Variants in EFCAB13 observed in about 807,000 individuals in gnomAD.
EFCAB13 encodes the protein EF-hand calcium-binding domain-containing protein 13.
In EFCAB13, 91 loss-of-function variants were observed where a neutral mutation model predicts 110.2. The observed-to-expected ratio is 0.83, with a 90% confidence interval of 0.70 to 0.98. The LOEUF (loss-of-function observed/expected upper bound fraction) is 0.98, where lower values mean the gene tolerates loss of function less well. EFCAB13 is among the 50% of genes least tolerant of loss of function. EFCAB13 has a pLI of 0.00. For synonymous variants in EFCAB13, 323 were observed against 369.9 expected, an observed-to-expected ratio of 0.87 and a Z score of 1.45; for missense variants, 968 against 1,119.4, an observed-to-expected ratio of 0.86 and a Z score of 1.93.
intron 23 of EFCAB13, among the ~76,000 whole-genome samples, chr17:47,424,184 C>G (rs901718075): frequency 2.6e-5 from 4 of 152,180 alleles, no homozygotes; most frequent in African/African-American, 9.6e-5. Flanking sequence ...GAGGAGCCGG[C>G]GCCAGCGTGG....
intron 12 of EFCAB13, among the ~76,000 whole-genome samples, chr17:47,376,850 G>A (rs1416079098): frequency 6.6e-6 from 1 of 152,128 alleles, no homozygotes; most frequent in East Asian, 1.9e-4. Context: ...TTGACACTTT[G>A]AAGACTATTG....
chr17:47,346,145 A>G (rs961114635), intron 8 of EFCAB13, among the ~76,000 whole-genome samples: 1 of 152,134 alleles, frequency 6.6e-6, no homozygotes, highest in African/African-American at 2.4e-5. Context: ...CAGTATTTCT[A>G]TAGAACTTAT....
At chr17:47,374,232 A>T (rs2065600848) in intron 11 of EFCAB13, among the ~76,000 whole-genome samples, 1 of 152,134 alleles carries the variant, frequency 6.6e-6, no homozygotes, top group Non-Finnish European at 1.5e-5. Context: ...TTTTAGTTTT[A>T]CTGTAACTTT....
chr17:47,325,923 A>AAAATATATAT (rs548207910), intron 2 of EFCAB13, among the ~76,000 whole-genome samples: 3 of 102,552 alleles, frequency 2.9e-5, no homozygotes, highest in East Asian at 3.5e-4. Flanking sequence ...ATATAAACAA[A>AAAATATATAT]ATATATATAT....
chr17:47,336,227 A>G (rs1430742829), intron 5 of EFCAB13, among the ~76,000 whole-genome samples: 1 of 151,866 alleles, frequency 6.6e-6, no homozygotes, highest in Non-Finnish European at 1.5e-5. Context: ...CCTGGGTTCA[A>G]GTGATTCTTC....
At chr17:47,399,566 A>G (rs902331015) in intron 17 of EFCAB13, among the ~76,000 whole-genome samples, 6 of 152,048 alleles carry the variant, frequency 3.9e-5, no homozygotes, top group African/African-American at 1.4e-4. Flanking sequence ...AAACAGCTCC[A>G]TAAGACCTTA....
intron 15 of EFCAB13, among the ~76,000 whole-genome samples, chr17:47,393,340 A>G (rs2065718597): frequency 6.6e-6 from 1 of 152,332 alleles, no homozygotes; most frequent in East Asian, 1.9e-4. Context: ...TAACATTTGC[A>G]TATCCCATGG....
Position 47,344,174 on chromosome 17 carries a change from T to G in EFCAB13, c.316T>G (p.Phe106Val). The stretch of plus-strand genomic sequence containing the variant: ...CATTTGGCTCTAGATTATCCCTCCT[T>G]TTCTGAAGCTGTCAAAGGAGAAGGT... ...HSKRTEIIPP[F>V]LKLSKEKVTR... The change falls in exon 7 of 25, where the codon TTT becomes GTT. Residue 106 changes from phenylalanine to valine, a missense_variant. Phe to Val is a conservative substitution (Grantham distance 50). Coordinates refer to ENST00000331493, the MANE Select transcript of EFCAB13 (RefSeq NM_152347.5). The G allele has an allele frequency of 6.2e-7, 1 of 1,612,844 alleles. No individual in the cohort carries two copies. The highest frequency in any genetic ancestry group is 1.7e-5 in the Admixed American group (1 of 59,950).
intron 11 of EFCAB13, among the ~76,000 whole-genome samples, chr17:47,371,174 G>A (rs1477596911): frequency 6.8e-6 from 1 of 147,318 alleles, no homozygotes; most frequent in East Asian, 2.1e-4. Flanking sequence ...TCCCATTCAA[G>A]ATGTTGTCTC....
chr17:47,409,399 A>G (rs1291842031), intron 20 of EFCAB13: 2 of 403,444 alleles, frequency 5.0e-6, no homozygotes, highest in East Asian at 3.7e-5. Context: ...CATCTGTGAC[A>G]TTAGAAACTG....
chr17:47,379,253 G>A lies in EFCAB13; in HGVS notation c.1582G>A (p.Ala528Thr). Reference sequence around the variant, plus strand: ...GGAGCGAAGTTTTCCTGAATGCAATGGTAGGTAGGAAATTTGTTTTAAAAT... The same window carrying A: ...GGAGCGAAGTTTTCCTGAATGCAATAGTAGGTAGGAAATTTGTTTTAAAAT... ...AKERSFPECN[A>T]LPGVIKAIDK... The change falls in exon 14 of 25, where the codon GCG becomes ACG. Residue 528 changes from alanine to threonine, a missense_variant and splice_region_variant. By Grantham distance (58) the Ala-to-Thr change is moderately conservative. Coordinates refer to ENST00000331493, the MANE Select transcript of EFCAB13 (RefSeq NM_152347.5). 1 of 1,610,630 alleles carries A rather than the reference G, an allele frequency of 6.2e-7. No individual in the cohort carries two copies. The highest frequency in any genetic ancestry group is 1.7e-5 in the Admixed American group (1 of 59,986).
chr17:47,346,286 T>A (rs1416602729), intron 8 of EFCAB13, among the ~76,000 whole-genome samples: 1 of 152,200 alleles, frequency 6.6e-6, no homozygotes, highest in Non-Finnish European at 1.5e-5. Flanking sequence ...TTTATATAAT[T>A]GGAATTCTGT....
At chr17:47,424,548 C>A (rs1035472082) in intron 23 of EFCAB13, among the ~76,000 whole-genome samples, 5 of 152,162 alleles carry the variant, frequency 3.3e-5, no homozygotes, top group Non-Finnish European at 5.9e-5. Flanking sequence ...TTATTTCTCT[C>A]TGGAAGACTT....
chr17:47,378,584 T>G (rs537046888), intron 13 of EFCAB13, among the ~76,000 whole-genome samples: 53 of 152,276 alleles, frequency 3.5e-4, no homozygotes, highest in African/African-American at 1.3e-3. Context: ...TGAAAGAAGA[T>G]TCAATTAAAA....
intron 10 of EFCAB13, among the ~76,000 whole-genome samples, chr17:47,366,180 T>TGAAATTTTCAG (rs2065544783): frequency 6.6e-6 from 1 of 152,162 alleles, no homozygotes; most frequent in African/African-American, 2.4e-5. Context: ...ATTAGCCCCC[T>TGAAATTTTCAG]GAAATTTTCA....
chr17:47,368,459 T>C (rs967992512), intron 10 of EFCAB13, among the ~76,000 whole-genome samples: 2 of 152,090 alleles, frequency 1.3e-5, no homozygotes, highest in Non-Finnish European at 2.9e-5. Flanking sequence ...CTGGTTGGAG[T>C]GGTTTGCCGA....
At chr17:47,357,854 G>A (rs1197822946) in intron 9 of EFCAB13, among the ~76,000 whole-genome samples, 1 of 152,106 alleles carries the variant, frequency 6.6e-6, no homozygotes, top group Non-Finnish European at 1.5e-5. Flanking sequence ...GGACTAACTT[G>A]CAACTTTCAC....
At chr17:47,403,839 C>A in intron 18 of EFCAB13, 39 bp from the exon 19 acceptor site, 1 of 1,558,972 alleles carries the variant, frequency 6.4e-7, no homozygotes, top group Non-Finnish European at 8.7e-7. Context: ...TGAGTGATGG[C>A]TACTGCTTTT....
At chr17:47,338,895 T>TA (rs35563682) in intron 5 of EFCAB13, among the ~76,000 whole-genome samples, 13,297 of 151,884 alleles carry the variant, frequency 0.088, 843 homozygotes, top group East Asian at 0.35. Flanking sequence ...AATAAGTCAG[T>TA]AAAAAAGAGC....
Sources: gnomAD v4.1 joint callset for allele counts (sites outside exome capture counted in the v4.1 genomes callset) on GRCh38, gnomAD v4.1.1 for gene constraint, MANE v1.5 for transcripts, NCBI Gene and HGNC (gene_info 2026-07-23, HGNC 2026-07-21) for gene names.